The following DQX1 variants were observed in gnomAD, a reference collection of about 807,000 sequenced individuals.
DQX1 encodes the protein DEAQ-box RNA dependent ATPase 1, also known as ATP-dependent RNA helicase homolog DQX1.
In DQX1, 66 loss-of-function variants were observed where a neutral mutation model predicts 81.3. The observed-to-expected ratio is 0.81, with a 90% CI of 0.67 to 1.00. The LOEUF is 1.00. DQX1 is among the 50% of genes least tolerant of loss of function. The pLI is 0.00. For missense variants in DQX1, 798 were observed against 867.9 expected (o/e 0.92, Z 1.01); for synonymous variants, 290 against 350.0 (o/e 0.83, Z 1.91).
chr2:74,524,325 G>C lies in DQX1; in HGVS notation c.432-18C>G, dbSNP rs772959503. On this transcript the variant is annotated intron_variant, in intron 3 of 11. Coordinates refer to ENST00000404568, the MANE Select transcript of DQX1 (RefSeq NM_133637.3). ...AGCAGAACCTGTTGACATTGGTAGT[G>C]GGCAGAGGAATCAGTGTGGACACTG... 11 of 1,600,230 alleles carry C rather than the reference G, an allele frequency of 6.9e-6. No individual in the cohort carries two copies. The highest frequency in any genetic ancestry group is 1.7e-4 in the Middle Eastern group (1 of 6,036).
At chr2:74,524,585 C>T (rs1035098577) in intron 3 of DQX1, among the ~76,000 whole-genome samples, 1 of 152,124 alleles carries the variant, frequency 6.6e-6, no homozygotes, top group Non-Finnish European at 1.5e-5. Context: ...TTATTTTAGC[C>T]ATTGCACCAC....
At position 74,524,283 on chromosome 2, in the gene DQX1, C is replaced by A. The variant is rs1675116419; in HGVS notation, c.456G>T (p.Leu152=). Residue 152 remains leucine (L), a synonymous_variant, in exon 4 of 12, where the codon CTG becomes CTT. Coordinates refer to ENST00000404568, the MANE Select transcript of DQX1 (RefSeq NM_133637.3). ...LLRFCWDRLL[L]QEVASTRGTG... ...TGCCTCGGGTCGAGGCCACCTCCTG[C>A]AGAAGCAGCCTGTCCCAGCAGAACC... 3 of 1,612,864 alleles carry A rather than the reference C, an allele frequency of 1.9e-6. No homozygotes were observed. Among genetic ancestry groups the A allele is most frequent in the Non-Finnish European group, 2.5e-6 (3 of 1,179,652 alleles).
chr2:74,520,442 T>C (rs1206864521), intron 8 of DQX1, among the ~76,000 whole-genome samples: 1 of 152,166 alleles, frequency 6.6e-6, no homozygotes, highest in African/African-American at 2.4e-5. Flanking sequence ...GCAGGGAGTA[T>C]GTTTTAGACT....
rs1675106556 is a variant in DQX1, at chr2:74,523,913, T to C, written c.816+10A>G. 1.3e-6 allele frequency: 2 copies of C among 1,552,830 alleles called. No homozygotes were observed. Among genetic ancestry groups the C allele is most frequent in the African/African-American group, 2.8e-5 (2 of 72,188 alleles). The stretch of plus-strand genomic sequence containing the variant: ...GCAGGCTGTTTTTTTTGTTTTGTTT[T>C]GTTTTTTACCTCCTCACTGGGCAGG... On this transcript the variant is annotated intron_variant, in intron 4 of 11. Coordinates refer to ENST00000404568, the MANE Select transcript of DQX1 (RefSeq NM_133637.3).
Position 74,523,105 on chromosome 2 carries a change from G to A in DQX1, c.1144+14C>T, listed in dbSNP as rs1458779347. 7 of 1,614,004 alleles carry A rather than the reference G, an allele frequency of 4.3e-6. No individual in the cohort carries two copies. The African/African-American group carries it at 9.3e-5, about 22-fold the overall frequency. On this transcript the variant is annotated intron_variant, in intron 6 of 11. Coordinates refer to ENST00000404568, the MANE Select transcript of DQX1 (RefSeq NM_133637.3). ...TCTTGGGTTTTTTATTTCAGTGAGGGCAAAGGCTCTTACCTGGTGGGAACC... is the reference window on the plus strand; with the variant it reads ...TCTTGGGTTTTTTATTTCAGTGAGGACAAAGGCTCTTACCTGGTGGGAACC...
Position 74,519,614 on chromosome 2 carries a change from C to T in DQX1, c.1748G>A (p.Gly583Asp), listed in dbSNP as rs1460128202. 6.2e-7 allele frequency: 1 copy of T among 1,614,216 alleles called. No homozygotes were observed. The highest frequency in any genetic ancestry group is 8.5e-7 in the Non-Finnish European group (1 of 1,180,038). Reference sequence around the variant, plus strand: ...AAGGTCTCTGCGATTCTGCTCAGAGCCAAAGGCTGGTAGGGACAAGGGAAG... The same window carrying T: ...AAGGTCTCTGCGATTCTGCTCAGAGTCAAAGGCTGGTAGGGACAAGGGAAG... The part of the protein sequence containing the change: ...IELPLSLPAF[G>D]SEQNRRDLQK... The change falls in exon 10 of 12, where the codon GGC (glycine) becomes GAC (aspartate). Residue 583 changes from glycine to aspartate, a missense_variant. By Grantham distance (94) the Gly-to-Asp change is moderately conservative (BLOSUM62 -1). Transcript: ENST00000404568.
chr2:74,520,576 G>A (rs751931169), intron 8 of DQX1, among the ~76,000 whole-genome samples: 13 of 152,182 alleles, frequency 8.5e-5, no homozygotes, highest in Non-Finnish European at 1.5e-4. Context: ...GGAGAGGTAG[G>A]TATAGGTAAG....
intron 8 of DQX1, among the ~76,000 whole-genome samples, chr2:74,521,331 G>A (rs933887567): frequency 1.3e-5 from 2 of 152,242 alleles, no homozygotes; most frequent in East Asian, 1.9e-4. Flanking sequence ...TCTGAGCTGA[G>A]GTACTGTTAA....
rs1248622715 is a variant in DQX1 at position 74,525,361 on chromosome 2, G to A, written c.237+132C>T. The A allele has an allele frequency of 2.6e-5, 32 of 1,250,796 alleles. No homozygotes were observed. The East Asian group carries it at 5.6e-4, about 22-fold the overall frequency. 77.5% of individuals were successfully genotyped at this position (1,250,796 alleles called of 1,614,324 possible). A position where few individuals can be genotyped will look rare whatever the true frequency, so the allele number is the denominator to read the frequency against. Reference sequence around the variant, plus strand: ...AACCTAACCCATCCCATCTCTCTTCGTTCACCTTCCTCATGACCCCACGCA... The same window carrying A: ...AACCTAACCCATCCCATCTCTCTTCATTCACCTTCCTCATGACCCCACGCA... On this transcript the variant is annotated intron_variant, in intron 2 of 11. Transcript: ENST00000404568. This position sits in a 1 kb window ranked among gnomAD's most constrained non-coding sequence, Gnocchi z 4.1.
At chr2:74,523,689 C>G (rs1254557653) in intron 4 of DQX1, 152 bp from the exon 5 acceptor site, 2 of 981,764 alleles carry the variant, frequency 2.0e-6, no homozygotes, top group African/African-American at 1.6e-5. Flanking sequence ...CAGGGGTTCA[C>G]TGAATCACAA....
At position 74,525,265 on chromosome 2, in the gene DQX1, C is replaced by T; in HGVS notation, c.238-63G>A. ...ATGTAGGACTTCAGTCAGAAGTGCT[C>T]AGGGAACTATGGCCACTTTAATCTT... is the stretch of plus-strand genomic sequence containing the variant. On this transcript the variant is annotated intron_variant, in intron 2 of 11. Coordinates refer to ENST00000404568, the MANE Select transcript of DQX1 (RefSeq NM_133637.3). This position sits in a 1 kb window ranked among gnomAD's most constrained non-coding sequence, Gnocchi z 4.1. The T allele has an allele frequency of 6.9e-7, 1 of 1,443,632 alleles. No individual in the cohort carries two copies. The highest frequency in any genetic ancestry group is 9.2e-7 in the Non-Finnish European group (1 of 1,083,924). 89.4% of individuals were successfully genotyped at this position (1,443,632 alleles called of 1,614,324 possible). A position where few individuals can be genotyped will look rare whatever the true frequency, so the allele number is the denominator to read the frequency against.
chr2:74,523,309 C>T lies in DQX1; in HGVS notation c.1044+1G>A, dbSNP rs749076346. ...CACCGCTATCTCTCTCTCTCACTCA[C>T]ACTTCGGAGCTCCAGTCCTGAGTCG... On this transcript the variant is annotated splice_donor_variant, in intron 5 of 11. Transcript: ENST00000404568. LOFTEE classifies it high-confidence loss of function. 4.3e-6 allele frequency: 7 copies of T among 1,614,182 alleles called. No homozygotes were observed. In the African/African-American group the frequency reaches 9.3e-5, roughly 22 times the overall value.
Position 74,523,301 on chromosome 2 carries a change from C to T in DQX1, c.1044+9G>A. On this transcript the variant is annotated intron_variant, in intron 5 of 11. Coordinates refer to ENST00000404568, the MANE Select transcript of DQX1 (RefSeq NM_133637.3). The stretch of plus-strand genomic sequence containing the variant: ...TACTACCCCACCGCTATCTCTCTCT[C>T]TCACTCACACTTCGGAGCTCCAGTC... The T allele has an allele frequency of 6.2e-7, 1 of 1,614,188 alleles. No homozygotes were observed. Among genetic ancestry groups the T allele is most frequent in the African/African-American group, 1.3e-5 (1 of 75,028 alleles).
intron 3 of DQX1, among the ~76,000 whole-genome samples, chr2:74,524,560 C>T (rs770862086): frequency 6.6e-5 from 10 of 152,108 alleles, no homozygotes; most frequent in Non-Finnish European, 8.8e-5. Flanking sequence ...AGGCCCCTGG[C>T]TGGGATTCAA....
chr2:74,523,941 C>G lies in DQX1; in HGVS notation c.798G>C (p.Val266=), dbSNP rs755150478. 1.2e-5 allele frequency: 20 copies of G among 1,600,722 alleles called. No homozygotes were observed. Among genetic ancestry groups the G allele is most frequent in the Admixed American group, 1.7e-5 (1 of 59,358 alleles). The change falls in exon 4 of 12, where the codon GTG becomes GTC. Residue 266 remains valine, a synonymous_variant. Coordinates refer to ENST00000404568, the MANE Select transcript of DQX1 (RefSeq NM_133637.3). ...TTTTTACCTCCTCACTGGGCAGGAA[C>G]ACTAGCACATCTCCTGGAAGCTCCT... The part of the protein sequence containing the change: ...CRKELPGDVL[V]FLPSEEEISL...
At position 74,518,578 on chromosome 2, in the gene DQX1, G is replaced by T. The variant is rs1346369573; in HGVS notation, c.2022C>A (p.Tyr674Ter). 2 of 1,614,082 alleles carry T rather than the reference G, an allele frequency of 1.2e-6. No individual in the cohort carries two copies. The highest frequency in any genetic ancestry group is 2.2e-5 in the East Asian group (1 of 44,896). The part of the protein sequence containing the change: ...PQMLVELAPP[Y>*]FLSNLPPSES... Reference sequence around the variant, plus strand: ...CACTGGGAGGCAAGTTACTCAGGAAGTATGGAGGGGCCAATTCCACCAGCC... The same window carrying T: ...CACTGGGAGGCAAGTTACTCAGGAATTATGGAGGGGCCAATTCCACCAGCC... Residue 674 changes from tyrosine to a stop codon, truncating the protein, a stop_gained, in exon 12 of 12, where the codon TAC becomes TAA. Transcript: ENST00000404568. LOFTEE classifies it high-confidence loss of function.
chr2:74,523,554 G>T lies in DQX1; in HGVS notation c.817-17C>A, dbSNP rs1675095916. The T allele has an allele frequency of 1.2e-6, 2 of 1,608,114 alleles. No homozygotes were observed. The highest frequency in any genetic ancestry group is 2.2e-5 in the East Asian group (1 of 44,834). The stretch of plus-strand genomic sequence containing the variant: ...GGAAATTTCCTGAGAAGAAGGGTGG[G>T]TGGGGCATTAGGGCAGTTCTCACGT... On this transcript the variant is annotated splice_polypyrimidine_tract_variant and intron_variant, in intron 4 of 11. Coordinates refer to ENST00000404568, the MANE Select transcript of DQX1 (RefSeq NM_133637.3).
In DQX1 at chr2:74,525,532, C is replaced by T. The variant is rs2104344669; in HGVS notation, c.198G>A (p.Val66=). 1 of 1,552,308 alleles carries T rather than the reference C, an allele frequency of 6.4e-7. No individual in the cohort carries two copies. The highest frequency in any genetic ancestry group is 8.7e-7 in the Non-Finnish European group (1 of 1,147,144). ...CAGAACCAGGCTCCCCAGACACCAG[C>T]ACCACTCCAGTGGGGTTACTCTCCA... is the stretch of plus-strand genomic sequence containing the variant. The part of the protein sequence containing the change: ...EQLESNPTGV[V]LVSGEPGSGK... The change falls in exon 2 of 12, where the codon GTG becomes GTA. Residue 66 remains valine (V), a synonymous_variant. Coordinates refer to ENST00000404568, the MANE Select transcript of DQX1 (RefSeq NM_133637.3). This position sits in a 1 kb window ranked among gnomAD's most constrained non-coding sequence, Gnocchi z 4.1.
chr2:74,523,870 CTTTTGCAGGCTCA>C (rs1222964580), intron 4 of DQX1, 40 bp downstream of exon 4: 9 of 1,476,788 alleles, frequency 6.1e-6, no homozygotes, highest in Middle Eastern at 1.8e-4. Context: ...TGAGTACCTC[CTTTTGCAGGCTCA>C]TTTTGCAGGC....
Sources: allele counts gnomAD v4.1 joint callset (sites outside exome capture counted in the v4.1 genomes callset), GRCh38; gene constraint gnomAD v4.1.1; non-coding constraint Gnocchi (gnomAD v3.1); transcripts MANE v1.5; gene names NCBI Gene and HGNC (gene_info 2026-07-23, HGNC 2026-07-21).